ZNF438: variants seen among roughly 807,000 people sequenced by gnomAD.
The protein encoded by ZNF438 is zinc finger protein 438.
ZNF438 carries 25 observed loss-of-function variants against 38.0 expected under a neutral mutation model. The observed-to-expected ratio is 0.66, with a 90% CI of 0.48 to 0.92. The LOEUF is 0.92. Among genes scored for constraint, ZNF438 ranks in the 40% least tolerant of loss-of-function variants. ZNF438 has a pLI of 0.00. For missense variants in ZNF438, 1,007 were observed against 999.6 expected (o/e 1.01, Z -0.10); for synonymous variants, 372 against 364.1 (o/e 1.02, Z -0.25).
chr10:31,018,882 C>T (rs557443638), intron 1 of ZNF438, among the ~76,000 whole-genome samples: 62 of 152,142 alleles, frequency 4.1e-4, no homozygotes, highest in African/African-American at 1.4e-3. Flanking sequence ...GGTGGGCAGA[C>T]GAAGTTCAGG....
intron 4 of ZNF438, among the ~76,000 whole-genome samples, chr10:30,856,346 C>T (rs991610): frequency 0.76 from 116,069 of 152,114 alleles, 44,912 homozygotes; most frequent in African/African-American, 0.85. Context: ...GCAATAAAGG[C>T]CAGTTATGCT....
chr10:30,869,777 A>T (rs10763844), intron 4 of ZNF438, among the ~76,000 whole-genome samples: 58,248 of 152,106 alleles, frequency 0.38, 11,451 homozygotes, highest in Admixed American at 0.41. Context: ...CATTTACACC[A>T]CTTGTTAAGA....
chr10:31,029,101 T>C (rs1042463731), intron 1 of ZNF438, among the ~76,000 whole-genome samples: 1 of 152,230 alleles, frequency 6.6e-6, no homozygotes, highest in Non-Finnish European at 1.5e-5. Context: ...ATTCAATGCA[T>C]GGACTCCAAA....
At chr10:30,915,738 G>A (rs1033668277) in intron 2 of ZNF438, among the ~76,000 whole-genome samples, 4 of 152,020 alleles carry the variant, frequency 2.6e-5, no homozygotes, top group African/African-American at 4.8e-5. Context: ...TCACAGTGAA[G>A]TTGCAAGAAA....
intron 3 of ZNF438, among the ~76,000 whole-genome samples, chr10:30,890,348 T>G (rs75437633): frequency 0.085 from 12,956 of 152,266 alleles, 629 homozygotes; most frequent in Non-Finnish European, 0.11. Flanking sequence ...CTTCATAGGT[T>G]TTCTATTCAT....
chr10:30,917,801 G>GT (rs950064149), intron 2 of ZNF438, among the ~76,000 whole-genome samples: 5 of 151,998 alleles, frequency 3.3e-5, no homozygotes, highest in African/African-American at 1.2e-4. Flanking sequence ...CACAAGTTTG[G>GT]TTTTTTCAAT....
At chr10:31,018,746 A>G (rs2056385723) in intron 1 of ZNF438, among the ~76,000 whole-genome samples, 1 of 152,194 alleles carries the variant, frequency 6.6e-6, no homozygotes, top group African/African-American at 2.4e-5. Context: ...CAGGGAGAAG[A>G]TGAAGAGTAG....
At chr10:30,950,903 T>C (rs1367716770) in intron 1 of ZNF438, among the ~76,000 whole-genome samples, 46 of 130,176 alleles carry the variant, frequency 3.5e-4, no homozygotes, top group African/African-American at 1.4e-3. Context: ...TTTTATGAGG[T>C]CAGCATCATT....
intron 1 of ZNF438, among the ~76,000 whole-genome samples, chr10:31,016,139 G>C (rs1262340403): frequency 1.6e-4 from 24 of 151,922 alleles, no homozygotes; most frequent in Admixed American, 1.6e-3. Context: ...TCTAAAGCAA[G>C]AAAGAAAATA....
chr10:30,929,305 T>C lies in ZNF438; in HGVS notation c.-115+12270A>G, dbSNP rs539739320. 1.6e-4 allele frequency among the ~76,000 whole-genome samples: 24 copies of C among 152,272 alleles called. 1 individual carries two copies. In the East Asian group the frequency reaches 4.4e-3, roughly 28 times the overall value. On this transcript the variant is annotated intron_variant, in intron 2 of 5. Transcript: ENST00000413025. ...TCGTGTGTTCGGAGTTTGTTCCTTC[T>C]GATGTTCAGATGTGTTCGGACTTCC...
At chr10:30,850,502 TG>T (rs1027939523) in intron 4 of ZNF438, 135 bp from the exon 6 acceptor site, 10 of 962,822 alleles carry the variant, frequency 1.0e-5, no homozygotes, top group Admixed American at 3.0e-5. Context: ...GGCAAAATCT[TG>T]TGTCCCTCAA....
chr10:30,867,268 C>A (rs1276993925), intron 4 of ZNF438, among the ~76,000 whole-genome samples: 2 of 152,122 alleles, frequency 1.3e-5, no homozygotes, highest in South Asian at 2.1e-4. Context: ...TTCAATGAAG[C>A]CAGAATTTAA....
At chr10:30,873,469 C>T (rs1011266873) in intron 4 of ZNF438, among the ~76,000 whole-genome samples, 10 of 152,180 alleles carry the variant, frequency 6.6e-5, no homozygotes, top group Admixed American at 3.3e-4. Flanking sequence ...TAGCTTTAAA[C>T]CCCTGGCTTA....
chr10:30,960,893 G>A (rs1043904807), intron 1 of ZNF438, among the ~76,000 whole-genome samples: 1 of 146,040 alleles, frequency 6.8e-6, no homozygotes, highest in African/African-American at 2.4e-5. Context: ...TATTCCCCTA[G>A]GATTGACTGT....
At chr10:30,933,487 T>C (rs1171949723) in intron 2 of ZNF438, among the ~76,000 whole-genome samples, 2 of 152,210 alleles carry the variant, frequency 1.3e-5, no homozygotes, top group Admixed American at 1.3e-4. Flanking sequence ...GCATCATGAC[T>C]TGCACCTGTA....
chr10:31,010,057 C>A (rs369260922), intron 1 of ZNF438, among the ~76,000 whole-genome samples: 13 of 152,202 alleles, frequency 8.5e-5, no homozygotes, highest in African/African-American at 3.1e-4. Flanking sequence ...CCATATCGGC[C>A]AGGCTGGTCT....
At chr10:30,869,705 C>G (rs2037079940) in intron 4 of ZNF438, among the ~76,000 whole-genome samples, 1 of 152,220 alleles carries the variant, frequency 6.6e-6, no homozygotes, top group Non-Finnish European at 1.5e-5. Context: ...CCAAAACCAG[C>G]TTGCAAATGT....
At chr10:30,890,605 T>C (rs2040561325) in intron 3 of ZNF438, among the ~76,000 whole-genome samples, 1 of 152,212 alleles carries the variant, frequency 6.6e-6, no homozygotes, top group East Asian at 1.9e-4. Flanking sequence ...AGCTCCTAAA[T>C]TGTCTTCCTG....
chr10:30,850,673 CCTT>C (rs1285900564), intron 4 of ZNF438, among the ~76,000 whole-genome samples: 2 of 152,196 alleles, frequency 1.3e-5, no homozygotes, highest in Non-Finnish European at 2.9e-5. Context: ...AAAATTCCGT[CCTT>C]CTCATCCATG....
Sources: allele counts gnomAD v4.1 joint callset (sites outside exome capture counted in the v4.1 genomes callset), GRCh38; gene constraint gnomAD v4.1.1; transcripts MANE v1.5; gene names NCBI Gene and HGNC (gene_info 2026-07-23, HGNC 2026-07-21).